Variants in CTNNA3 observed in about 807,000 individuals in gnomAD.
CTNNA3 encodes catenin alpha 3.
CTNNA3 carries 76 observed loss-of-function variants against 95.7 expected under a neutral mutation model. That is an observed-to-expected ratio of 0.79 (90% CI 0.66 to 0.96). The LOEUF is 0.96. Among genes scored for constraint, CTNNA3 ranks in the 40% least tolerant of loss-of-function variants. The probability of loss-of-function intolerance (pLI) is 0.00; values close to 1 mark genes in which losing one functional copy is unlikely to be tolerated. For missense variants in CTNNA3, 1,191 were observed against 1,089.8 expected, an observed-to-expected ratio of 1.09 and a Z score of -1.31; for synonymous variants, 431 against 374.4, an observed-to-expected ratio of 1.15 and a Z score of -1.74.
At chr10:66,157,008 T>A (rs921210589) in intron 13 of CTNNA3, among the ~76,000 whole-genome samples, 3 of 151,778 alleles carry the variant, frequency 2.0e-5, no homozygotes, top group Non-Finnish European at 2.9e-5. Flanking sequence ...TGCATTTGGG[T>A]TTTGGTTTTG....
chr10:66,125,198 A>G (rs2082764232), intron 13 of CTNNA3, among the ~76,000 whole-genome samples: 1 of 152,140 alleles, frequency 6.6e-6, no homozygotes, highest in Admixed American at 6.5e-5. Flanking sequence ...ATGAAGGTAA[A>G]ATTAAATCTT....
At chr10:66,766,204 A>T in intron 9 of CTNNA3, 60 bp downstream of exon 9, 1 of 1,527,488 alleles carries the variant, frequency 6.5e-7, no homozygotes, top group South Asian at 1.1e-5. Context: ...TCAACCATAA[A>T]TGGAGAATGG....
chr10:66,370,938 A>T (rs543512433), intron 12 of CTNNA3, among the ~76,000 whole-genome samples: 1 of 152,116 alleles, frequency 6.6e-6, no homozygotes, highest in Admixed American at 6.6e-5. Flanking sequence ...GCCTAGGCTG[A>T]TCTCGAACAC....
intron 5 of CTNNA3, among the ~76,000 whole-genome samples, chr10:67,373,302 A>G (rs1356994295): frequency 6.6e-6 from 1 of 152,174 alleles, no homozygotes; most frequent in African/African-American, 2.4e-5. Context: ...ATGGAAAACA[A>G]AAAAAAGGCA....
chr10:66,442,579 C>A (rs1564966695), intron 11 of CTNNA3, among the ~76,000 whole-genome samples: 1 of 151,978 alleles, frequency 6.6e-6, no homozygotes, highest in Non-Finnish European at 1.5e-5. Context: ...TTGTTTGCAC[C>A]AAAGAAAGTT....
At chr10:67,307,217 C>CA (rs1250694352) in intron 5 of CTNNA3, among the ~76,000 whole-genome samples, 18 of 151,926 alleles carry the variant, frequency 1.2e-4, no homozygotes, top group Non-Finnish European at 1.5e-4. Flanking sequence ...TTAATAAATG[C>CA]AAAAAAATGC....
At chr10:67,725,765 C>CA (rs1841206824) in intron 1 of CTNNA3, among the ~76,000 whole-genome samples, 2 of 151,428 alleles carry the variant, frequency 1.3e-5, no homozygotes, top group Admixed American at 1.3e-4. Context: ...CTAGAAAAGG[C>CA]AAAAGGCTTA....
At chr10:66,180,068 G>A (rs2131854014) in intron 13 of CTNNA3, among the ~76,000 whole-genome samples, 1 of 152,216 alleles carries the variant, frequency 6.6e-6, no homozygotes, top group South Asian at 2.1e-4. Context: ...CCTAATGGCG[G>A]CATATTATGG....
intron 10 of CTNNA3, among the ~76,000 whole-genome samples, chr10:66,552,048 C>T (rs1175897773): frequency 2.6e-5 from 4 of 151,742 alleles, no homozygotes; most frequent in African/African-American, 7.3e-5. Context: ...GGATTACAGG[C>T]GTGTGCCACC....
At chr10:66,207,693 G>A (rs558310141) in intron 13 of CTNNA3, among the ~76,000 whole-genome samples, 1 of 152,000 alleles carries the variant, frequency 6.6e-6, no homozygotes, top group African/African-American at 2.4e-5. Flanking sequence ...AAAAGGAGTA[G>A]GCAAAATTTT....
intron 15 of CTNNA3, among the ~76,000 whole-genome samples, chr10:66,038,274 G>A (rs897833953): frequency 1.3e-5 from 2 of 152,194 alleles, no homozygotes; most frequent in Admixed American, 1.3e-4. Flanking sequence ...CCTTCTGATG[G>A]TGATGGCAAC....
chr10:66,199,463 C>CAA (rs34304963), intron 13 of CTNNA3, among the ~76,000 whole-genome samples: 18 of 143,214 alleles, frequency 1.3e-4, no homozygotes, highest in Non-Finnish European at 1.7e-4. Flanking sequence ...TTTTAACAAG[C>CAA]AAAAAAAAAA....
chr10:66,076,897 T>C (rs1564620712), intron 14 of CTNNA3, among the ~76,000 whole-genome samples: 1 of 151,742 alleles, frequency 6.6e-6, no homozygotes, highest in Non-Finnish European at 1.5e-5. Flanking sequence ...AGATCTCCTA[T>C]AATGAAACCC....
intron 1 of CTNNA3, among the ~76,000 whole-genome samples, chr10:67,705,786 A>T (rs74586965): frequency 0.017 from 2,508 of 147,772 alleles, 70 homozygotes; most frequent in African/African-American, 0.059. Flanking sequence ...AATAATAATA[A>T]AAAAAAAAAA....
At chr10:66,231,379 A>T (rs2132010933) in intron 13 of CTNNA3, among the ~76,000 whole-genome samples, 1 of 152,242 alleles carries the variant, frequency 6.6e-6, no homozygotes, top group African/African-American at 2.4e-5. Context: ...AAATCATAAG[A>T]TTTACTGAAT....
At chr10:66,170,080 C>T (rs1014341541) in intron 13 of CTNNA3, among the ~76,000 whole-genome samples, 24 of 151,974 alleles carry the variant, frequency 1.6e-4, no homozygotes, top group Admixed American at 1.4e-3. Context: ...GGTTCTTGGT[C>T]ATGAAATCTT....
intron 5 of CTNNA3, among the ~76,000 whole-genome samples, chr10:67,502,275 G>A (rs1419787270): frequency 6.6e-6 from 1 of 152,154 alleles, no homozygotes; most frequent in Non-Finnish European, 1.5e-5. Context: ...TCCAGACCCT[G>A]TTTGCCTGGG....
intron 7 of CTNNA3, among the ~76,000 whole-genome samples, chr10:66,813,394 A>ATGAT (rs1269387022): frequency 6.6e-6 from 1 of 152,194 alleles, no homozygotes; most frequent in African/African-American, 2.4e-5. Context: ...AATTTGTGAA[A>ATGAT]TGATAGGGTA....
chr10:66,772,628 A>C (rs1436798330), intron 8 of CTNNA3, among the ~76,000 whole-genome samples: 1 of 152,174 alleles, frequency 6.6e-6, no homozygotes. Flanking sequence ...CAGGCAAGAA[A>C]GTCACAGAGG....
Sources: allele counts gnomAD v4.1 joint callset (sites outside exome capture counted in the v4.1 genomes callset), GRCh38; gene constraint gnomAD v4.1.1; transcripts MANE v1.5; gene names NCBI Gene and HGNC (gene_info 2026-07-23, HGNC 2026-07-21).